The following APP variants were observed in gnomAD, a reference collection of about 807,000 sequenced individuals.
APP encodes amyloid beta precursor protein, also known as amyloid-beta precursor protein.
Under a neutral mutation model 101.4 loss-of-function variants are expected in APP, and 31 were observed. The observed-to-expected ratio is 0.31, with a 90% CI of 0.23 to 0.41. APP has a LOEUF of 0.41. Ranked by LOEUF, APP falls within the 10% of genes least tolerant of loss-of-function variation. The pLI is 1.00. For synonymous variants in APP, 366 were observed against 364.4 expected (o/e 1.00, Z -0.05); for missense variants, 839 against 1,003.7 (o/e 0.84, Z 2.22).
intron 17 of APP, among the ~76,000 whole-genome samples, chr21:25,884,601 G>A (rs1378863637): frequency 1.3e-5 from 2 of 152,160 alleles, no homozygotes; most frequent in Non-Finnish European, 2.9e-5. Flanking sequence ...TGTGTGCCAG[G>A]AGACAGCCTA....
rs191338421 is a variant in APP, at chr21:25,883,330, G to A, written c.2212-1559C>T. ...AGGCAGGAGAATGGCTTGAACTTGG[G>A]GGGTGGAGTTTGCAGTGAGCCAAGA... On this transcript the variant is annotated intron_variant, in intron 17 of 17. Transcript: ENST00000346798. Among the ~76,000 whole-genome samples the A allele has an allele frequency of 2.5e-3, 375 of 152,238 alleles. 2 individuals are homozygous for A. Among genetic ancestry groups the A allele is most frequent in the Non-Finnish European group, 3.9e-3 (264 of 68,020 alleles).
chr21:26,155,959 C>A (rs1380922296), intron 1 of APP, among the ~76,000 whole-genome samples: 1 of 149,634 alleles, frequency 6.7e-6, no homozygotes, highest in Non-Finnish European at 1.5e-5. Context: ...CGAGACCGTG[C>A]CACTGCACTC....
chr21:26,157,174 A>G (rs1018288531), intron 1 of APP, among the ~76,000 whole-genome samples: 2 of 151,590 alleles, frequency 1.3e-5, no homozygotes, highest in Non-Finnish European at 2.9e-5. Flanking sequence ...GGTTCAAGGG[A>G]TTCTCCTGTC....
intron 14 of APP, 102 bp downstream of exon 14, chr21:25,911,636 TCAC>T: frequency 3.9e-6 from 4 of 1,031,010 alleles, no homozygotes; most frequent in Non-Finnish European, 4.3e-6. Context: ...CAAAAAAAAT[TCAC>T]CACTCAAGAA....
intron 2 of APP, among the ~76,000 whole-genome samples, chr21:26,110,460 C>T (rs1018482102): frequency 5.9e-4 from 90 of 151,854 alleles, no homozygotes; most frequent in African/African-American, 2.1e-3. Flanking sequence ...AAAAACAAAA[C>T]AAAACAAAAA....
intron 13 of APP, chr21:25,934,346 G>C (rs1472818829): frequency 1.3e-5 from 2 of 152,182 alleles, no homozygotes; most frequent in African/African-American, 2.4e-5. Flanking sequence ...AGCAGCCCTA[G>C]GAATCTAATA....
chr21:26,072,099 C>A (rs2061421166), intron 3 of APP, among the ~76,000 whole-genome samples: 1 of 152,160 alleles, frequency 6.6e-6, no homozygotes, highest in Admixed American at 6.5e-5. Flanking sequence ...GAGTAGGCCA[C>A]CTTTGGGGGA....
intron 11 of APP, among the ~76,000 whole-genome samples, chr21:25,956,128 G>A (rs1369021507): frequency 1.3e-5 from 2 of 152,146 alleles, no homozygotes; most frequent in Non-Finnish European, 2.9e-5. Flanking sequence ...ACATTGCTAC[G>A]TGTACATTTT....
intron 13 of APP, among the ~76,000 whole-genome samples, chr21:25,924,781 G>GA (rs112870630): frequency 0.019 from 2,554 of 135,110 alleles, 75 homozygotes; most frequent in African/African-American, 0.062. Context: ...AGTAAACAAA[G>GA]AAAAAAAAAA....
intron 5 of APP, among the ~76,000 whole-genome samples, chr21:26,042,136 T>C (rs1317016269): frequency 6.6e-6 from 1 of 152,216 alleles, no homozygotes; most frequent in Admixed American, 6.5e-5. Context: ...AGGTTTTTTT[T>C]CCTTGAGCAT....
intron 13 of APP, among the ~76,000 whole-genome samples, chr21:25,938,732 C>T (rs956902014): frequency 1.9e-4 from 29 of 152,152 alleles, no homozygotes; most frequent in African/African-American, 7.0e-4. Flanking sequence ...GGACTTAAAG[C>T]AGCTAAACCG....
intron 3 of APP, among the ~76,000 whole-genome samples, chr21:26,081,304 GAA>G (rs145866738): frequency 0.17 from 26,171 of 150,410 alleles, 2,825 homozygotes; most frequent in Admixed American, 0.27. Context: ...GGCTGAGTCC[GAA>G]AAAGAGTCAG....
At chr21:25,945,101 A>C (rs1056057619) in intron 13 of APP, among the ~76,000 whole-genome samples, 1 of 152,202 alleles carries the variant, frequency 6.6e-6, no homozygotes, top group Non-Finnish European at 1.5e-5. Flanking sequence ...GAATGGCATA[A>C]AAACAGACAA....
chr21:26,010,859 C>T (rs1449050633), intron 6 of APP, among the ~76,000 whole-genome samples: 1 of 114,526 alleles, frequency 8.7e-6, no homozygotes, highest in Non-Finnish European at 1.9e-5. Context: ...AACAACAAAA[C>T]AAAAAAAACA....
intron 1 of APP, among the ~76,000 whole-genome samples, chr21:26,152,852 C>T (rs181411853): frequency 8.5e-4 from 130 of 152,310 alleles, no homozygotes; most frequent in African/African-American, 3.1e-3. Flanking sequence ...CATATGTTTA[C>T]AGGACCACAA....
intron 1 of APP, among the ~76,000 whole-genome samples, chr21:26,139,834 C>T (rs1461980998): frequency 6.6e-6 from 1 of 152,092 alleles, no homozygotes; most frequent in Non-Finnish European, 1.5e-5. Context: ...GAGCCAATAT[C>T]GGGCCACTGC....
chr21:26,021,517 C>G (rs1601236341), intron 6 of APP, among the ~76,000 whole-genome samples: 1 of 152,082 alleles, frequency 6.6e-6, no homozygotes, highest in African/African-American at 2.4e-5. Flanking sequence ...CACTCACTGC[C>G]AAAGGAATAC....
chr21:25,942,350 G>A (rs750419491), intron 13 of APP: 10 of 152,086 alleles, frequency 6.6e-5, no homozygotes, highest in African/African-American at 9.7e-5. Context: ...TATTCATCAC[G>A]TCTGACCTTG....
chr21:26,038,719 G>C (rs1320773456), intron 5 of APP, among the ~76,000 whole-genome samples: 1 of 152,094 alleles, frequency 6.6e-6, no homozygotes, highest in Non-Finnish European at 1.5e-5. Context: ...AGCCGAGATT[G>C]TGCCACTGCA....
Sources: allele counts gnomAD v4.1 joint callset (sites outside exome capture counted in the v4.1 genomes callset), GRCh38; gene constraint gnomAD v4.1.1; transcripts MANE v1.5; gene names NCBI Gene and HGNC (gene_info 2026-07-23, HGNC 2026-07-21).